NBEA: variants seen among roughly 807,000 people sequenced by gnomAD.
The protein encoded by NBEA is neurobeachin, also known as lysosomal-trafficking regulator 2.
NBEA carries 44 observed loss-of-function variants against 343.4 expected under a neutral mutation model. That is an observed-to-expected ratio of 0.13 (90% CI 0.10 to 0.16). The LOEUF is 0.16. Ranked by LOEUF, NBEA falls within the 10% of genes least tolerant of loss-of-function variation. The pLI, the probability that NBEA is intolerant of heterozygous loss-of-function variation, is 1.00. For synonymous variants in NBEA, 1,175 were observed against 1,238.7 expected, an observed-to-expected ratio of 0.95 and a Z score of 1.08; for missense variants, 2,555 against 3,631.3, an observed-to-expected ratio of 0.70 and a Z score of 7.62.
intron 31 of NBEA, 134 bp downstream of exon 31, chr13:35,196,436 G>A: frequency 1.2e-6 from 1 of 836,108 alleles, no homozygotes. Context: ...TCAAAATGAT[G>A]GCTCAACCTA....
At chr13:35,437,577 G>A (rs979823808) in intron 39 of NBEA, among the ~76,000 whole-genome samples, 5 of 152,084 alleles carry the variant, frequency 3.3e-5, no homozygotes, top group Non-Finnish European at 5.9e-5. Flanking sequence ...AAACCTAGAG[G>A]CAGGTAATTT....
chr13:35,193,549 T>C (rs548674283), intron 30 of NBEA, among the ~76,000 whole-genome samples: 2 of 152,050 alleles, frequency 1.3e-5, no homozygotes, highest in Admixed American at 1.3e-4. Context: ...ATTTATAGGG[T>C]TACTATTCTA....
chr13:35,257,036 C>G (rs974093863), intron 34 of NBEA, among the ~76,000 whole-genome samples: 3 of 152,192 alleles, frequency 2.0e-5, no homozygotes, highest in South Asian at 2.1e-4. Flanking sequence ...ATGCCTCCCC[C>G]ACTGCAGTTG....
intron 1 of NBEA, among the ~76,000 whole-genome samples, chr13:34,953,371 T>C (rs2059402587): frequency 6.6e-6 from 1 of 152,186 alleles, no homozygotes; most frequent in African/African-American, 2.4e-5. Flanking sequence ...TTAGGAGATA[T>C]GAGTTATCAG....
intron 34 of NBEA, among the ~76,000 whole-genome samples, chr13:35,254,955 T>C (rs2032417389): frequency 6.6e-6 from 1 of 152,122 alleles, no homozygotes; most frequent in Non-Finnish European, 1.5e-5. Context: ...AAGTATTATA[T>C]AAATAACAAT....
intron 41 of NBEA, among the ~76,000 whole-genome samples, chr13:35,524,526 A>T (rs370232052): frequency 6.6e-6 from 1 of 152,202 alleles, no homozygotes; most frequent in African/African-American, 2.4e-5. Flanking sequence ...ATAAGTTCCA[A>T]ATCAAATTCT....
chr13:35,092,711 A>C (rs2065149236), intron 10 of NBEA, among the ~76,000 whole-genome samples: 1 of 152,074 alleles, frequency 6.6e-6, no homozygotes, highest in Admixed American at 6.6e-5. Flanking sequence ...AATACTGGCA[A>C]GGATGTGAGA....
At chr13:35,262,341 A>G (rs962554899) in intron 34 of NBEA, among the ~76,000 whole-genome samples, 1 of 152,268 alleles carries the variant, frequency 6.6e-6, no homozygotes, top group Non-Finnish European at 1.5e-5. Context: ...TTTTCCCTGA[A>G]GAAATGAAAC....
At chr13:35,084,703 G>T (rs1287686342) in intron 10 of NBEA, among the ~76,000 whole-genome samples, 1 of 152,026 alleles carries the variant, frequency 6.6e-6, no homozygotes, top group Non-Finnish European at 1.5e-5. Flanking sequence ...ACATTCAAAA[G>T]CTAGCAGAAG....
At chr13:35,536,245 C>G (rs1357153570) in intron 41 of NBEA, among the ~76,000 whole-genome samples, 2 of 152,006 alleles carry the variant, frequency 1.3e-5, no homozygotes, top group Admixed American at 6.6e-5. Context: ...CTTTCTGGTC[C>G]CTGATGAGCC....
chr13:35,283,469 A>C (rs945647347), intron 34 of NBEA, among the ~76,000 whole-genome samples: 1 of 152,282 alleles, frequency 6.6e-6, no homozygotes, highest in East Asian at 1.9e-4. Flanking sequence ...GGAAATGTGT[A>C]ATATCAAATT....
intron 10 of NBEA, among the ~76,000 whole-genome samples, chr13:35,094,782 G>A (rs1327106882): frequency 2.0e-5 from 3 of 151,836 alleles, no homozygotes; most frequent in South Asian, 2.1e-4. Flanking sequence ...CTGTAATTCA[G>A]TCCTAAATTA....
intron 40 of NBEA, among the ~76,000 whole-genome samples, chr13:35,457,275 A>C (rs1449251211): frequency 2.0e-5 from 3 of 152,166 alleles, no homozygotes; most frequent in Non-Finnish European, 2.9e-5. Flanking sequence ...AGCATTATTG[A>C]GATGTAATTC....
intron 34 of NBEA, among the ~76,000 whole-genome samples, chr13:35,265,397 A>T (rs945523442): frequency 6.6e-6 from 1 of 151,840 alleles, no homozygotes; most frequent in Admixed American, 6.6e-5. Context: ...ACCACAGAAG[A>T]CCCCAAATAG....
chr13:35,472,333 C>A, intron 40 of NBEA, 67 bp from the exon 41 acceptor site: 1 of 1,544,012 alleles, frequency 6.5e-7, no homozygotes, highest in South Asian at 1.2e-5. Context: ...ACCTCTGGTA[C>A]CTTTCTGGGA....
intron 48 of NBEA, among the ~76,000 whole-genome samples, chr13:35,616,741 C>T (rs1042594147): frequency 2.6e-5 from 4 of 152,172 alleles, no homozygotes; most frequent in African/African-American, 9.7e-5. Context: ...GCTCAGAGTA[C>T]TTATATTGCA....
At chr13:35,250,742 A>G (rs1334699160) in intron 34 of NBEA, among the ~76,000 whole-genome samples, 2 of 152,220 alleles carry the variant, frequency 1.3e-5, no homozygotes, top group African/African-American at 4.8e-5. Flanking sequence ...ACTTTACCCA[A>G]GACATACTGA....
intron 46 of NBEA, among the ~76,000 whole-genome samples, chr13:35,586,282 G>T (rs2153040003): frequency 6.6e-6 from 1 of 152,254 alleles, no homozygotes; most frequent in Admixed American, 6.5e-5. Context: ...AATTTAGTAT[G>T]AATACATTTT....
intron 41 of NBEA, among the ~76,000 whole-genome samples, chr13:35,507,871 T>C (rs763718128): frequency 1.3e-5 from 2 of 152,160 alleles, no homozygotes; most frequent in Admixed American, 1.3e-4. Flanking sequence ...TAATTCATTC[T>C]AGGATTGTAA....
Sources: gnomAD v4.1 joint callset for allele counts (sites outside exome capture counted in the v4.1 genomes callset) on GRCh38, gnomAD v4.1.1 for gene constraint, MANE v1.5 for transcripts, NCBI Gene and HGNC (gene_info 2026-07-23, HGNC 2026-07-21) for gene names.